The following RBMS2 variants were observed in gnomAD, a reference collection of about 807,000 sequenced individuals.
RBMS2 encodes the protein RNA-binding motif, single-stranded-interacting protein 2.
Under a neutral mutation model 58.4 loss-of-function variants are expected in RBMS2, and 38 were observed. That is an observed-to-expected ratio of 0.65 (90% confidence interval 0.50 to 0.85). The LOEUF (loss-of-function observed/expected upper bound fraction) is 0.85, where lower values mean the gene tolerates loss of function less well. Among genes scored for constraint, RBMS2 ranks in the 40% least tolerant of loss-of-function variants. The pLI is 0.00. For missense variants in RBMS2, 367 were observed against 503.7 expected, an observed-to-expected ratio of 0.73 and a Z score of 2.60; for synonymous variants, 151 against 180.7, an observed-to-expected ratio of 0.84 and a Z score of 1.32.
intron 1 of RBMS2, among the ~76,000 whole-genome samples, chr12:56,546,779 A>G (rs1182627809): frequency 6.6e-6 from 1 of 152,104 alleles, no homozygotes; most frequent in Non-Finnish European, 1.5e-5. Flanking sequence ...CTGTGTGGGC[A>G]TGTTTTCAAT....
At chr12:56,533,902 T>C (rs1285128201) in intron 1 of RBMS2, among the ~76,000 whole-genome samples, 1 of 151,704 alleles carries the variant, frequency 6.6e-6, no homozygotes, top group East Asian at 1.9e-4. Flanking sequence ...ATCTATATAA[T>C]ATATAGTTAT....
chr12:56,538,329 C>T (rs893566007), intron 1 of RBMS2, among the ~76,000 whole-genome samples: 20 of 151,662 alleles, frequency 1.3e-4, no homozygotes, highest in African/African-American at 4.4e-4. Context: ...CCACCACACC[C>T]GGCCCATCTT....
In RBMS2 at chr12:56,592,033, T is replaced by C. The variant is rs1180471355; in HGVS notation, c.*2900T>C. ...TTCATTTGTAACAGTGGGTGAGTGTTTGGAGGAAAGGAGGGAGAAGAAAGG... is the reference window on the plus strand; with the variant it reads ...TTCATTTGTAACAGTGGGTGAGTGTCTGGAGGAAAGGAGGGAGAAGAAAGG... On this transcript the variant is annotated 3_prime_UTR_variant, in exon 14 of 14. Coordinates refer to ENST00000262031, the MANE Select transcript of RBMS2 (RefSeq NM_002898.4). The C allele has an allele frequency of 6.6e-6, 1 of 152,092 alleles. No homozygotes were observed. Among genetic ancestry groups the C allele is most frequent in the Non-Finnish European group, 1.5e-5 (1 of 68,014 alleles). The allele number at this position is 152,092 out of a possible 1,614,324, so 9.4% of individuals were successfully genotyped here.
intron 9 of RBMS2, among the ~76,000 whole-genome samples, chr12:56,586,465 G>A (rs1884685610): frequency 1.3e-5 from 2 of 152,028 alleles, no homozygotes; most frequent in South Asian, 4.1e-4. Flanking sequence ...GGTATGAAGT[G>A]GTATCCCATT....
intron 1 of RBMS2, among the ~76,000 whole-genome samples, chr12:56,532,259 T>C (rs527546263): frequency 7.0e-6 from 1 of 142,114 alleles, no homozygotes; most frequent in East Asian, 2.1e-4. Context: ...GAAAAAAAAA[T>C]TGGCCAGGTG....
At chr12:56,530,350 CTTTT>C (rs71081373) in intron 1 of RBMS2, among the ~76,000 whole-genome samples, 2 of 63,774 alleles carry the variant, frequency 3.1e-5, no homozygotes, top group Non-Finnish European at 6.2e-5. Flanking sequence ...TTTCTTTTTC[CTTTT>C]TTTTTTTTTT....
chr12:56,564,515 A>G (rs1880984317), intron 2 of RBMS2, among the ~76,000 whole-genome samples: 1 of 151,934 alleles, frequency 6.6e-6, no homozygotes, highest in Admixed American at 6.6e-5. Flanking sequence ...GGTACACACC[A>G]CCATGCTTGG....
intron 9 of RBMS2, 38 bp downstream of exon 9, chr12:56,582,190 C>G (rs765956393): frequency 6.6e-7 from 1 of 1,516,584 alleles, no homozygotes; most frequent in Middle Eastern, 1.7e-4. Context: ...GTGGTTTTCC[C>G]TACTACTGTG....
intron 1 of RBMS2, among the ~76,000 whole-genome samples, chr12:56,528,246 T>C (rs1270298969): frequency 5.4e-5 from 5 of 93,326 alleles, no homozygotes; most frequent in Non-Finnish European, 1.2e-4. Context: ...CGAGACCATG[T>C]ATCAAAAAAA....
At position 56,591,639 on chromosome 12, in the gene RBMS2, C is replaced by A. The variant is rs796784970; in HGVS notation, c.*2506C>A. On this transcript the variant is annotated 3_prime_UTR_variant, in exon 14 of 14. Coordinates refer to ENST00000262031, the MANE Select transcript of RBMS2 (RefSeq NM_002898.4). Reference sequence around the variant, plus strand: ...GAGAAAACAAATCTAGAATTCTGTTCATCTGATAGACCGGGGGAGCTTTGC... The same window carrying A: ...GAGAAAACAAATCTAGAATTCTGTTAATCTGATAGACCGGGGGAGCTTTGC... 2.0e-5 allele frequency: 3 copies of A among 152,174 alleles called. No individual in the cohort carries two copies. The highest frequency in any genetic ancestry group is 7.2e-5 in the African/African-American group (3 of 41,504). The allele number at this position is 152,174 out of a possible 1,614,324, so 9.4% of individuals were successfully genotyped here. A position where few individuals can be genotyped will look rare whatever the true frequency, so the allele number is the denominator to read the frequency against.
In RBMS2 at chr12:56,588,967, C is replaced by T. The variant is rs375034175; in HGVS notation, c.1179C>T (p.Asp393=). Residue 393 remains aspartate, a synonymous_variant, in exon 13 of 14, where the codon GAC becomes GAT. Transcript: ENST00000262031. ...GCCAACAGAACCAAGTGGCAGTGGA[C>T]GCACCCTCAGAGCATGGGGTCTATT... The part of the protein sequence containing the change: ...SSGQQNQVAV[D]APSEHGVYSF... The T allele has an allele frequency of 2.0e-4, 326 of 1,614,130 alleles. 1 individual carries two copies. The East Asian group carries it at 4.7e-3, about 23-fold the overall frequency.
At chr12:56,550,401 G>A (rs1326799883) in intron 1 of RBMS2, among the ~76,000 whole-genome samples, 1 of 152,062 alleles carries the variant, frequency 6.6e-6, no homozygotes, top group African/African-American at 2.4e-5. Context: ...GTGGTTGCAT[G>A]TGCCTGTAGT....
In RBMS2 at chr12:56,581,188, G is replaced by C. The variant is rs201186596; in HGVS notation, c.547G>C (p.Glu183Gln). 39 of 1,595,518 alleles carry C rather than the reference G, an allele frequency of 2.4e-5. No individual in the cohort carries two copies. The highest frequency in any genetic ancestry group is 1.8e-4 in the Middle Eastern group (1 of 5,692). ...TSRGVGFARM[E>Q]STEKCEAIIT... ...AACCCCTCTTATGCTCCTTAGGATG[G>C]AGTCCACAGAGAAGTGTGAAGCCAT... The change falls in exon 6 of 14, where the codon GAG becomes CAG. Residue 183 changes from glutamate to glutamine, a missense_variant. Physicochemically the swap from Glu to Gln is conservative, Grantham distance 29 (BLOSUM62 2). This residue lies in a region of RBMS2 where 54 missense variants were observed against 110.4 expected (regional missense o/e 0.49). Coordinates refer to ENST00000262031, the MANE Select transcript of RBMS2 (RefSeq NM_002898.4).
chr12:56,585,714 T>G (rs1884581080), intron 9 of RBMS2, among the ~76,000 whole-genome samples: 1 of 152,222 alleles, frequency 6.6e-6, no homozygotes, highest in Non-Finnish European at 1.5e-5. Context: ...AGTTTTTGTG[T>G]GGACATATGT....
intron 1 of RBMS2, among the ~76,000 whole-genome samples, chr12:56,526,179 C>T (rs968464594): frequency 2.0e-5 from 3 of 151,620 alleles, no homozygotes; most frequent in Non-Finnish European, 4.4e-5. Context: ...TGGTGGTGCA[C>T]GCCTGTAGTC....
chr12:56,590,141 GAGGTATA>G lies in RBMS2; in HGVS notation c.*1009_*1015del, dbSNP rs1398847707. 6.6e-6 allele frequency: 1 copy of G among 152,272 alleles called. No homozygotes were observed. Among genetic ancestry groups the G allele is most frequent in the Non-Finnish European group, 1.5e-5 (1 of 68,074 alleles). 9.4% of individuals were successfully genotyped at this position (152,272 alleles called of 1,614,324 possible). On this transcript the variant is annotated 3_prime_UTR_variant, in exon 14 of 14. Coordinates refer to ENST00000262031, the MANE Select transcript of RBMS2 (RefSeq NM_002898.4). ...CTCACTGCCAAGGCCAACAGCATCT[GAGGTATA>G]GCTTTTTGGGAGTACCTGCTTTCTT...
At chr12:56,537,550 T>C (rs977854950) in intron 1 of RBMS2, among the ~76,000 whole-genome samples, 53 of 152,360 alleles carry the variant, frequency 3.5e-4, no homozygotes, top group African/African-American at 1.2e-3. Flanking sequence ...TAATGTTTCA[T>C]TGTATGTACA....
intron 12 of RBMS2, 58 bp from the exon 13 acceptor site, chr12:56,588,874 G>A (rs1277596502): frequency 1.3e-6 from 2 of 1,554,252 alleles, no homozygotes; most frequent in Non-Finnish European, 1.8e-6. Flanking sequence ...TCAGGCTGCT[G>A]TAGTGGAGGT....
chr12:56,588,467 G>A (rs1403955259), intron 12 of RBMS2, 93 bp downstream of exon 12: 2 of 1,192,602 alleles, frequency 1.7e-6, no homozygotes, highest in Non-Finnish European at 2.5e-6. Context: ...CAATGATGCT[G>A]ATTCTGTGTT....
Sources: gnomAD v4.1 joint callset for allele counts (sites outside exome capture counted in the v4.1 genomes callset) on GRCh38, gnomAD v4.1.1 for gene constraint, gnomAD v4.1.1 regional missense constraint, MANE v1.5 for transcripts, NCBI Gene and HGNC (gene_info 2026-07-23, HGNC 2026-07-21) for gene names.